TP63: variants seen among roughly 807,000 people sequenced by gnomAD.
The protein encoded by TP63 is tumor protein 63.
In TP63, 17 loss-of-function variants were observed where a neutral mutation model predicts 82.8. That is an observed-to-expected ratio of 0.21 (90% CI 0.14 to 0.31). The LOEUF is 0.31. TP63 is among the 10% of genes least tolerant of loss of function. The probability of loss-of-function intolerance (pLI) is 1.00; values close to 1 mark genes in which losing one functional copy is unlikely to be tolerated. For synonymous variants in TP63, 330 were observed against 321.7 expected, an observed-to-expected ratio of 1.03 and a Z score of -0.28; for missense variants, 648 against 895.3, an observed-to-expected ratio of 0.72 and a Z score of 3.52.
At chr3:189,664,405 G>T (rs1035572840) in intron 1 of TP63, among the ~76,000 whole-genome samples, 12 of 152,062 alleles carry the variant, frequency 7.9e-5, no homozygotes, top group Non-Finnish European at 1.5e-4. Flanking sequence ...AGCTAGAGAT[G>T]GTCGGTCTTT....
chr3:189,734,208 G>T (rs1291820291), intron 1 of TP63, among the ~76,000 whole-genome samples: 1 of 99,698 alleles, frequency 1.0e-5, no homozygotes. Flanking sequence ...TTTCACTCTT[G>T]TCGCCCAGGC....
chr3:189,826,202 A>G (rs1729331432), intron 4 of TP63, among the ~76,000 whole-genome samples: 1 of 152,242 alleles, frequency 6.6e-6, no homozygotes, highest in East Asian at 1.9e-4. Flanking sequence ...CACTGTAAGT[A>G]TTGACTAAGG....
At chr3:189,875,089 G>T (rs73059019) in intron 10 of TP63, among the ~76,000 whole-genome samples, 5,091 of 151,214 alleles carry the variant, frequency 0.034, 276 homozygotes, top group African/African-American at 0.12. Context: ...AGATTTTCTG[G>T]GTCTATATTG....
intron 1 of TP63, 104 bp downstream of exon 1, chr3:189,631,681 C>T (rs1471629776): frequency 2.5e-6 from 4 of 1,599,916 alleles, no homozygotes; most frequent in Non-Finnish European, 3.4e-6. Context: ...CTTGTTTAGT[C>T]AGCACAGTGA....
At chr3:189,820,653 G>T (rs370084221) in intron 4 of TP63, among the ~76,000 whole-genome samples, 1 of 152,140 alleles carries the variant, frequency 6.6e-6, no homozygotes, top group African/African-American at 2.4e-5. Context: ...TACAATGCAC[G>T]CATTTTACAT....
At chr3:189,721,506 T>C (rs1052246511) in intron 1 of TP63, among the ~76,000 whole-genome samples, 6 of 151,902 alleles carry the variant, frequency 3.9e-5, no homozygotes, top group South Asian at 4.2e-4. Context: ...CCGTTGTGAT[T>C]GGAAATATTA....
chr3:189,655,253 C>T lies in TP63; in HGVS notation c.62+23676C>T, dbSNP rs142037663. Among the ~76,000 whole-genome samples, 64 of 152,252 alleles carry T rather than the reference C, an allele frequency of 4.2e-4. 1 individual carries two copies. In the South Asian group the frequency reaches 4.4e-3, roughly 10 times the overall value. Reference sequence around the variant, plus strand: ...AGCTTGGAGGTTGTCACTCCTCTTACGACAAGAAAAAGCTGGACAAATCAA... The same window carrying T: ...AGCTTGGAGGTTGTCACTCCTCTTATGACAAGAAAAAGCTGGACAAATCAA... On this transcript the variant is annotated intron_variant, in intron 1 of 13. Transcript: ENST00000264731.
the TP63 span, among the ~76,000 whole-genome samples, chr3:189,597,928 CAAA>C: frequency 6.9e-5 from 9 of 130,838 alleles, no homozygotes; most frequent in Non-Finnish European, 8.3e-5. Context: ...GACCCTGCCT[CAAA>C]AAAAAAAAAA....
At chr3:189,705,415 T>C (rs969509483) in intron 1 of TP63, among the ~76,000 whole-genome samples, 1 of 152,164 alleles carries the variant, frequency 6.6e-6, no homozygotes, top group Admixed American at 6.5e-5. Flanking sequence ...CGCTTTTCAT[T>C]CTTATTCTTT....
At chr3:189,734,171 C>CTTT (rs57302272) in intron 1 of TP63, among the ~76,000 whole-genome samples, 2 of 84,646 alleles carry the variant, frequency 2.4e-5, no homozygotes, top group Admixed American at 1.3e-4. Context: ...TCCCTCCCTT[C>CTTT]TTTTTTTTTT....
At chr3:189,597,892 A>G in the TP63 span, among the ~76,000 whole-genome samples, 2 of 151,712 alleles carry the variant, frequency 1.3e-5, no homozygotes, top group African/African-American at 4.8e-5. Flanking sequence ...TTGTACCACT[A>G]TACTTCAGCT....
chr3:189,878,037 A>G (rs1478623545), intron 10 of TP63, among the ~76,000 whole-genome samples: 1 of 151,902 alleles, frequency 6.6e-6, no homozygotes, highest in African/African-American at 2.4e-5. Context: ...CTCTGTTGTT[A>G]GTTACTTGGT....
intron 4 of TP63, among the ~76,000 whole-genome samples, chr3:189,830,608 G>C (rs1454876639): frequency 1.3e-5 from 2 of 151,952 alleles, no homozygotes; most frequent in African/African-American, 4.8e-5. Context: ...TACATAACAC[G>C]CAATTTTGTT....
intron 13 of TP63, 27 bp from the exon 14 acceptor site, chr3:189,894,179 T>C: frequency 1.2e-6 from 2 of 1,614,070 alleles, no homozygotes; most frequent in South Asian, 1.1e-5. Flanking sequence ...GTTTTCATTC[T>C]CCATGACACC....
intron 1 of TP63, among the ~76,000 whole-genome samples, chr3:189,682,524 T>A (rs1463979178): frequency 8.3e-6 from 1 of 119,914 alleles, no homozygotes; most frequent in Admixed American, 9.1e-5. Context: ...TCCTGGGACT[T>A]GGTCCTAAGG....
chr3:189,616,790 TTTAACCAAAAAA>T, the TP63 span, among the ~76,000 whole-genome samples: 1 of 152,288 alleles, frequency 6.6e-6, no homozygotes, highest in South Asian at 2.1e-4. Flanking sequence ...CCATGAGCTG[TTTAACCAAAAAA>T]TGTATTATTT....
intron 1 of TP63, among the ~76,000 whole-genome samples, chr3:189,690,975 G>C (rs957441407): frequency 6.6e-6 from 1 of 152,114 alleles, no homozygotes; most frequent in East Asian, 1.9e-4. Flanking sequence ...GAACAAGCAC[G>C]ATATAGAGTG....
At chr3:189,706,036 A>G (rs950829482) in intron 1 of TP63, among the ~76,000 whole-genome samples, 3 of 152,174 alleles carry the variant, frequency 2.0e-5, no homozygotes, top group Non-Finnish European at 4.4e-5. Flanking sequence ...AAAGTGTGGA[A>G]TTCTCCCACT....
At chr3:189,850,087 G>T (rs1359890032) in intron 4 of TP63, among the ~76,000 whole-genome samples, 2 of 152,162 alleles carry the variant, frequency 1.3e-5, no homozygotes, top group Non-Finnish European at 2.9e-5. Context: ...TTTGAGACCA[G>T]CCTGACCAAC....
Sources: allele counts gnomAD v4.1 joint callset (sites outside exome capture counted in the v4.1 genomes callset), GRCh38; gene constraint gnomAD v4.1.1; transcripts MANE v1.5; gene names NCBI Gene and HGNC (gene_info 2026-07-23, HGNC 2026-07-21).